Variants in GPHN observed in about 807,000 individuals in gnomAD.
The protein encoded by GPHN is gephyrin.
A neutral mutation model predicts 95.5 loss-of-function variants in GPHN; 17 were observed. The observed-to-expected ratio is 0.18, with a 90% CI of 0.12 to 0.27. The LOEUF (loss-of-function observed/expected upper bound fraction) is 0.27. Ranked by LOEUF, GPHN falls within the 10% of genes least tolerant of loss-of-function variation. GPHN has a pLI of 1.00. For synonymous variants in GPHN, 320 were observed against 322.5 expected, an observed-to-expected ratio of 0.99 and a Z score of 0.08; for missense variants, 660 against 978.1, an observed-to-expected ratio of 0.67 and a Z score of 4.34.
the GPHN span, among the ~76,000 whole-genome samples, chr14:67,190,839 G>C: frequency 6.6e-6 from 1 of 152,160 alleles, no homozygotes; most frequent in Non-Finnish European, 1.5e-5. Flanking sequence ...AAATCACCCA[G>C]GTAAATGCCA....
intron 1 of GPHN, among the ~76,000 whole-genome samples, chr14:66,677,358 T>G (rs975179202): frequency 6.6e-5 from 10 of 152,088 alleles, no homozygotes; most frequent in African/African-American, 2.2e-4. Context: ...GTCAGATTGA[T>G]TAAGTGAAAT....
the GPHN span, among the ~76,000 whole-genome samples, chr14:67,436,104 G>A: frequency 4.8e-4 from 73 of 152,336 alleles, no homozygotes; most frequent in East Asian, 4.8e-3. Context: ...TCCCACAGAA[G>A]CCTCTTTACT....
chr14:66,792,131 C>T lies in GPHN; in HGVS notation c.201+15610C>T, dbSNP rs115896912. On this transcript the variant is annotated intron_variant, in intron 3 of 22. Transcript: ENST00000478722. ...ATGACACATGGGAATTATTATAATTCAAGGTGAGATTTGAGTAGGGACATA... is the reference window on the plus strand; with the variant it reads ...ATGACACATGGGAATTATTATAATTTAAGGTGAGATTTGAGTAGGGACATA... 6.5e-3 allele frequency among the ~76,000 whole-genome samples: 983 copies of T among 152,152 alleles called. 14 individuals carry two copies. The highest frequency in any genetic ancestry group is 0.023 in the African/African-American group (935 of 41,494).
intron 1 of GPHN, among the ~76,000 whole-genome samples, chr14:66,647,765 C>G (rs1346729472): frequency 6.6e-6 from 1 of 152,044 alleles, no homozygotes. Context: ...GTAACTGAAA[C>G]TCTGTAAAGA....
Position 66,708,096 on chromosome 14 carries a change from A to G in GPHN, c.143+26911A>G, listed in dbSNP as rs113106310. ...TTTTAAAACATGCACCCAAGTTTAG[A>G]TGATTTATTCATAAAAGTGCTCAGT... On this transcript the variant is annotated intron_variant, in intron 2 of 22. Transcript: ENST00000478722. 3.6e-3 allele frequency among the ~76,000 whole-genome samples: 551 copies of G among 152,262 alleles called. 10 individuals are homozygous for G. Among genetic ancestry groups the G allele is most frequent in the African/African-American group, 0.013 (525 of 41,560 alleles).
chr14:67,659,820 G>A, the GPHN span: 97 of 1,614,102 alleles, frequency 6.0e-5, 2 homozygotes, highest in Admixed American at 2.8e-4. Flanking sequence ...CTCACCTCCC[G>A]ATGGAGTTTA....
At chr14:67,543,668 A>C in the GPHN span, among the ~76,000 whole-genome samples, 1 of 152,062 alleles carries the variant, frequency 6.6e-6, no homozygotes, top group Non-Finnish European at 1.5e-5. Flanking sequence ...ATGGTGTTGG[A>C]GGAGGGACGA....
chr14:67,646,626 C>T, the GPHN span: 1 of 1,556,854 alleles, frequency 6.4e-7, no homozygotes, highest in Admixed American at 1.7e-5. Flanking sequence ...TAATCCTGTC[C>T]ATTTCTCCCT....
At chr14:67,368,635 G>A in the GPHN span, among the ~76,000 whole-genome samples, 2 of 151,878 alleles carry the variant, frequency 1.3e-5, no homozygotes, top group Admixed American at 1.3e-4. Context: ...GGAGGTGTGG[G>A]GTAAATAGAT....
At chr14:67,701,782 C>G in the GPHN span, 1 of 152,014 alleles carries the variant, frequency 6.6e-6, no homozygotes, top group Admixed American at 6.6e-5. Context: ...CCTACCCTTT[C>G]TCTTTTATAA....
the GPHN span, among the ~76,000 whole-genome samples, chr14:67,195,591 A>T: frequency 6.6e-6 from 1 of 152,220 alleles, no homozygotes; most frequent in Non-Finnish European, 1.5e-5. Context: ...TGTATGAACA[A>T]GAGTTGACTA....
chr14:66,973,504 A>G (rs1423811276), intron 9 of GPHN, among the ~76,000 whole-genome samples: 1 of 152,230 alleles, frequency 6.6e-6, no homozygotes, highest in Non-Finnish European at 1.5e-5. Flanking sequence ...CACACCTGTA[A>G]TTCCAGCACT....
chr14:67,323,684 C>G, the GPHN span: 3 of 1,184,178 alleles, frequency 2.5e-6, no homozygotes, highest in South Asian at 4.6e-5. Flanking sequence ...TTTTAAAAAT[C>G]AAAATGTCTC....
chr14:67,123,716 T>C (rs1364713370), intron 17 of GPHN, among the ~76,000 whole-genome samples: 2 of 152,170 alleles, frequency 1.3e-5, no homozygotes, highest in Non-Finnish European at 2.9e-5. Flanking sequence ...CTCCAACCCG[T>C]GGCCCATGGA....
intron 11 of GPHN, among the ~76,000 whole-genome samples, chr14:67,074,479 CT>C (rs2076422577): frequency 6.6e-6 from 1 of 152,106 alleles, no homozygotes; most frequent in East Asian, 1.9e-4. Context: ...TGGCTGTTCC[CT>C]TTTCTCCCTC....
At chr14:67,050,863 G>T (rs1213910752) in intron 10 of GPHN, among the ~76,000 whole-genome samples, 1 of 143,260 alleles carries the variant, frequency 7.0e-6, no homozygotes, top group Non-Finnish European at 1.5e-5. Context: ...GCCAACCCAG[G>T]ATCCACACAG....
intron 20 of GPHN, among the ~76,000 whole-genome samples, chr14:67,167,406 C>G (rs1024428290): frequency 6.6e-6 from 1 of 151,964 alleles, no homozygotes; most frequent in Non-Finnish European, 1.5e-5. Flanking sequence ...AAAAAATATT[C>G]TATCTACTTG....
chr14:67,419,150 G>C, the GPHN span, among the ~76,000 whole-genome samples: 3 of 152,142 alleles, frequency 2.0e-5, no homozygotes, highest in Admixed American at 2.0e-4. Flanking sequence ...CTTCCATTCT[G>C]CTTTCCTCAC....
At chr14:67,498,619 G>A in the GPHN span, among the ~76,000 whole-genome samples, 1 of 152,174 alleles carries the variant, frequency 6.6e-6, no homozygotes, top group African/African-American at 2.4e-5. Context: ...GAATTAGGGT[G>A]GCTTCAAGTG....
Sources: gnomAD v4.1 joint callset for allele counts (sites outside exome capture counted in the v4.1 genomes callset) on GRCh38, gnomAD v4.1.1 for gene constraint, MANE v1.5 for transcripts, NCBI Gene and HGNC (gene_info 2026-07-23, HGNC 2026-07-21) for gene names.